The following AKR1C8 variants were observed in gnomAD, a reference collection of about 807,000 sequenced individuals.
The protein encoded by AKR1C8 is aldo-keto reductase family 1 member C-like protein 1.
At chr10:5,174,501 A>C in the AKR1C8 span, among the ~76,000 whole-genome samples, 1 of 145,904 alleles carries the variant, frequency 6.9e-6, no homozygotes, top group Non-Finnish European at 1.5e-5. Flanking sequence ...TTAAGATTGC[A>C]AACTACTTCT....
At chr10:5,172,534 T>C in the AKR1C8 span, among the ~76,000 whole-genome samples, 1 of 152,116 alleles carries the variant, frequency 6.6e-6, no homozygotes, top group Non-Finnish European at 1.5e-5. Flanking sequence ...AATTTTTATT[T>C]ATTAAAAATT....
chr10:5,163,839 T>A, the AKR1C8 span, among the ~76,000 whole-genome samples: 2 of 152,178 alleles, frequency 1.3e-5, no homozygotes, highest in East Asian at 3.9e-4. Flanking sequence ...ACCACAGATA[T>A]GCCTTTGTCC....
the AKR1C8 span, among the ~76,000 whole-genome samples, chr10:5,147,961 T>C: frequency 1.0e-3 from 152 of 152,322 alleles, 1 homozygote; most frequent in African/African-American, 3.5e-3. Flanking sequence ...ATTAGGCTTC[T>C]GCCTGGCTCA....
chr10:5,137,038 T>C, the AKR1C8 span, among the ~76,000 whole-genome samples: 1 of 152,336 alleles, frequency 6.6e-6, no homozygotes, highest in Non-Finnish European at 1.5e-5. Flanking sequence ...CACTATTTTA[T>C]ATTAGGTAAG....
chr10:5,184,311 T>A, the AKR1C8 span, among the ~76,000 whole-genome samples: 1 of 152,192 alleles, frequency 6.6e-6, no homozygotes, highest in African/African-American at 2.4e-5. Flanking sequence ...ACTCCAACCT[T>A]ACCCTTTGTG....
chr10:5,134,261 C>T, the AKR1C8 span, among the ~76,000 whole-genome samples: 1 of 152,102 alleles, frequency 6.6e-6, no homozygotes, highest in Non-Finnish European at 1.5e-5. Flanking sequence ...CCCCCTCATG[C>T]CAATTTTCAT....
chr10:5,176,808 T>C, the AKR1C8 span, among the ~76,000 whole-genome samples: 2 of 152,192 alleles, frequency 1.3e-5, no homozygotes, highest in African/African-American at 4.8e-5. Flanking sequence ...AGAATGCTTG[T>C]GATTTTTGTA....
At chr10:5,140,134 A>T in the AKR1C8 span, among the ~76,000 whole-genome samples, 1 of 152,208 alleles carries the variant, frequency 6.6e-6, no homozygotes. Context: ...GATCATTAAA[A>T]AGTCAGGAAA....
At chr10:5,174,027 C>A in the AKR1C8 span, among the ~76,000 whole-genome samples, 1 of 146,384 alleles carries the variant, frequency 6.8e-6, no homozygotes, top group African/African-American at 2.8e-5. Flanking sequence ...TGAGAGAAAT[C>A]TCTGTTTTCC....
chr10:5,116,417 A>T, the AKR1C8 span, among the ~76,000 whole-genome samples: 1 of 151,924 alleles, frequency 6.6e-6, no homozygotes, highest in South Asian at 2.1e-4. Flanking sequence ...GATCACTAGG[A>T]GTTATGCTGA....
chr10:5,127,951 C>CA, the AKR1C8 span, among the ~76,000 whole-genome samples: 2 of 151,904 alleles, frequency 1.3e-5, no homozygotes, highest in Admixed American at 1.3e-4. Context: ...AAATTCATTG[C>CA]AAAAATATTA....
chr10:5,133,429 G>C, the AKR1C8 span, among the ~76,000 whole-genome samples: 1 of 152,066 alleles, frequency 6.6e-6, no homozygotes, highest in East Asian at 1.9e-4. Context: ...TTAACACATG[G>C]AAGAAGGCAC....
the AKR1C8 span, among the ~76,000 whole-genome samples, chr10:5,178,741 C>T: frequency 1.3e-5 from 2 of 149,464 alleles, no homozygotes; most frequent in East Asian, 2.0e-4. Flanking sequence ...GTAATGGCCT[C>T]ATCTCTTTTG....
chr10:5,180,490 C>A, the AKR1C8 span, among the ~76,000 whole-genome samples: 1 of 152,102 alleles, frequency 6.6e-6, no homozygotes, highest in Non-Finnish European at 1.5e-5. Flanking sequence ...CTGGGAGAAC[C>A]ACTGCTCTCT....
the AKR1C8 span, among the ~76,000 whole-genome samples, chr10:5,124,689 T>C: frequency 6.6e-6 from 1 of 152,138 alleles, no homozygotes; most frequent in Non-Finnish European, 1.5e-5. Flanking sequence ...AATCATTATG[T>C]GGAAATATGT....
chr10:5,183,898 A>T, the AKR1C8 span, among the ~76,000 whole-genome samples: 1 of 152,236 alleles, frequency 6.6e-6, no homozygotes, highest in Non-Finnish European at 1.5e-5. Context: ...TATGAGAACA[A>T]GAACCAACAG....
chr10:5,122,180 C>T, the AKR1C8 span: 443 of 379,410 alleles, frequency 1.2e-3, 1 homozygote, highest in Non-Finnish European at 2.0e-3. Context: ...GAAAGGCAGG[C>T]GATACTCACA....
At chr10:5,157,641 G>A in the AKR1C8 span, 3 of 471,816 alleles carry the variant, frequency 6.4e-6, no homozygotes, top group Non-Finnish European at 1.3e-5. Flanking sequence ...TTACCTGGAA[G>A]TTCTCTTTGA....
chr10:5,128,712 AAAAGAATCAATCCAGCAAGAATAT>A, the AKR1C8 span, among the ~76,000 whole-genome samples: 1 of 152,110 alleles, frequency 6.6e-6, no homozygotes, highest in African/African-American at 2.4e-5. Context: ...ATATAATGAT[AAAAGAATCAATCCAGCAAGAATAT>A]ATTACAATCT....
Sources: allele counts gnomAD v4.1 joint callset (sites outside exome capture counted in the v4.1 genomes callset), GRCh38; gene constraint gnomAD v4.1.1; transcripts MANE v1.5; gene names NCBI Gene and HGNC (gene_info 2026-07-23, HGNC 2026-07-21).